The following TSPAN9 variants were observed in gnomAD, a reference collection of about 807,000 sequenced individuals.
The protein encoded by TSPAN9 is tetraspanin-9.
TSPAN9 carries 16 observed loss-of-function variants against 31.0 expected under a neutral mutation model. That is an observed-to-expected ratio of 0.52 (90% CI 0.35 to 0.78). The LOEUF is 0.78. TSPAN9 is among the 30% of genes least tolerant of loss of function. TSPAN9 has a pLI of 0.01. For missense variants in TSPAN9, 272 were observed against 312.5 expected (o/e 0.87, Z 0.98); for synonymous variants, 145 against 121.6 (o/e 1.19, Z -1.27).
chr12:3,155,348 TC>T (rs2098341697), intron 2 of TSPAN9, among the ~76,000 whole-genome samples: 1 of 152,122 alleles, frequency 6.6e-6, no homozygotes, highest in African/African-American at 2.4e-5. Flanking sequence ...GGCGGGCTGT[TC>T]CGGGAATGCT....
At chr12:3,279,275 G>A (rs1862852689) in intron 5 of TSPAN9, among the ~76,000 whole-genome samples, 1 of 152,218 alleles carries the variant, frequency 6.6e-6, no homozygotes, top group South Asian at 2.1e-4. Flanking sequence ...AGGCAAATTT[G>A]GAGGATGGGA....
At chr12:3,110,956 A>C (rs10774118) in intron 2 of TSPAN9, among the ~76,000 whole-genome samples, 2 of 152,006 alleles carry the variant, frequency 1.3e-5, no homozygotes, top group African/African-American at 4.8e-5. Flanking sequence ...GAAAGGAAGC[A>C]GCAACCCAGG....
intron 2 of TSPAN9, among the ~76,000 whole-genome samples, chr12:3,162,168 G>A (rs558087646): frequency 2.1e-4 from 32 of 152,256 alleles, no homozygotes; most frequent in African/African-American, 7.2e-4. Flanking sequence ...TCCCCCCACT[G>A]TCTTGCTTCC....
intron 2 of TSPAN9, among the ~76,000 whole-genome samples, chr12:3,098,387 T>C (rs1292475811): frequency 6.6e-6 from 1 of 152,224 alleles, no homozygotes; most frequent in Non-Finnish European, 1.5e-5. Context: ...GCTCAGGTGT[T>C]ACACTCGGAT....
chr12:3,264,657 G>C (rs74891390), intron 3 of TSPAN9, among the ~76,000 whole-genome samples: 6,449 of 152,320 alleles, frequency 0.042, 182 homozygotes, highest in Non-Finnish European at 0.063. Flanking sequence ...TCCACCACAG[G>C]CTCCCGACTC....
At chr12:3,148,861 C>T (rs889823506) in intron 2 of TSPAN9, among the ~76,000 whole-genome samples, 3 of 152,188 alleles carry the variant, frequency 2.0e-5, no homozygotes, top group South Asian at 2.1e-4. Flanking sequence ...CCATCAGTCA[C>T]GTCCAAGGCT....
At chr12:3,081,660 T>C (rs372512843) in intron 1 of TSPAN9, among the ~76,000 whole-genome samples, 59 of 152,144 alleles carry the variant, frequency 3.9e-4, no homozygotes, top group African/African-American at 1.4e-3. Flanking sequence ...AGTGTATGTG[T>C]CACATGTATA....
At chr12:3,166,969 G>T (rs905268836) in intron 2 of TSPAN9, among the ~76,000 whole-genome samples, 4 of 151,626 alleles carry the variant, frequency 2.6e-5, no homozygotes, top group African/African-American at 9.7e-5. Flanking sequence ...GCTAATTTTT[G>T]TATTTTTAGT....
intron 3 of TSPAN9, among the ~76,000 whole-genome samples, chr12:3,275,707 T>C (rs1417943822): frequency 1.3e-5 from 2 of 152,232 alleles, no homozygotes; most frequent in Admixed American, 6.5e-5. Context: ...TGGGTCTCAG[T>C]GTGCCCATTC....
Position 3,226,690 on chromosome 12 carries a change from G to A in TSPAN9, c.63+25434G>A, listed in dbSNP as rs374296488. Among the ~76,000 whole-genome samples, 9 of 14,768 alleles carry A rather than the reference G, an allele frequency of 6.1e-4. 1 individual carries two copies. The highest frequency in any genetic ancestry group is 2.0e-3 in the Admixed American group (2 of 976). The allele number at this position is 14,768 out of a possible 152,430, so 9.7% of individuals were successfully genotyped here. ...TGTGTGTGTGTGTGTGTGTGTGTGT[G>A]TGTGTGTGTGTGTGTGTATGTGTAT... On this transcript the variant is annotated intron_variant, in intron 3 of 8. Transcript: ENST00000011898.
intron 3 of TSPAN9, among the ~76,000 whole-genome samples, chr12:3,258,512 G>A (rs1191097698): frequency 6.6e-6 from 1 of 152,200 alleles, no homozygotes. Context: ...CAGCAATGAA[G>A]AGTGGTCGTG....
chr12:3,250,647 C>A (rs555808685), intron 3 of TSPAN9, among the ~76,000 whole-genome samples: 68 of 152,352 alleles, frequency 4.5e-4, no homozygotes, highest in Non-Finnish European at 8.7e-4. Flanking sequence ...ACTCCCAGGC[C>A]TGGCCAGCCC....
rs1863018763 is a variant in TSPAN9 at position 3,286,457 on chromosome 12, T to TGA, written c.*3341_*3342insGA. 6.6e-6 allele frequency: 1 copy of TGA among 152,600 alleles called. No individual in the cohort carries two copies. The allele number at this position is 152,600 out of a possible 1,614,324, so 9.5% of individuals were successfully genotyped here. A position where few individuals can be genotyped will look rare whatever the true frequency, so the allele number is the denominator to read the frequency against. ...TGTTGGTTTCAGATGCACTTTCTGC[T>TGA]TGCATTGCCGTATCTGTGCGTTCCT... On this transcript the variant is annotated 3_prime_UTR_variant, in exon 9 of 9. Coordinates refer to ENST00000011898, the MANE Select transcript of TSPAN9 (RefSeq NM_006675.5). The surrounding 1 kb of genome is among the most constrained non-coding windows in gnomAD (Gnocchi z 4.1).
intron 2 of TSPAN9, among the ~76,000 whole-genome samples, chr12:3,108,915 T>C (rs942937534): frequency 3.3e-5 from 5 of 152,142 alleles, no homozygotes; most frequent in African/African-American, 9.7e-5. Flanking sequence ...AGGATATTAA[T>C]GATAGTTTCA....
chr12:3,234,433 C>T (rs1440867315), intron 3 of TSPAN9, among the ~76,000 whole-genome samples: 4 of 152,168 alleles, frequency 2.6e-5, no homozygotes, highest in East Asian at 1.9e-4. Context: ...CCCTCTGCTC[C>T]GGCCACCCTG....
rs2098337963 is a variant in TSPAN9, at chr12:3,147,820, C to T, written c.-17-53357C>T. On this transcript the variant is annotated intron_variant, in intron 2 of 8. Transcript: ENST00000011898. The surrounding 1 kb of genome is among the most constrained non-coding windows in gnomAD (Gnocchi z 4.3). ...CAGTGTTGGCTCACACTGGTGGGTG[C>T]CCTTTGGTGAGAGGTGCGTTGTGAG... Among the ~76,000 whole-genome samples, 1 of 152,122 alleles carries T rather than the reference C, an allele frequency of 6.6e-6. No homozygotes were observed. The highest frequency in any genetic ancestry group is 2.4e-5 in the African/African-American group (1 of 41,414).
intron 2 of TSPAN9, among the ~76,000 whole-genome samples, chr12:3,101,808 C>G (rs1054942815): frequency 1.3e-5 from 2 of 152,142 alleles, no homozygotes; most frequent in Non-Finnish European, 2.9e-5. Context: ...CTGATTAGCC[C>G]GTTGTTTTCC....
intron 2 of TSPAN9, among the ~76,000 whole-genome samples, chr12:3,112,925 C>T (rs1367697686): frequency 6.6e-6 from 1 of 152,238 alleles, no homozygotes; most frequent in East Asian, 1.9e-4. Flanking sequence ...TGCAATTCTC[C>T]TGCCTTGGCC....
In TSPAN9 at chr12:3,226,742, GTGTATATATATATATA is replaced by G. The variant is rs1565622435; in HGVS notation, c.63+25488_63+25503del. Among the ~76,000 whole-genome samples, 24 of 3,302 alleles carry G rather than the reference GTGTATATATATATATA, an allele frequency of 7.3e-3. 2 individuals are homozygous for G. Among genetic ancestry groups the G allele is most frequent in the Admixed American group, 0.016 (3 of 190 alleles). 2.2% of individuals were successfully genotyped at this position (3,302 alleles called of 152,430 possible). ...TATGTGTGTGTGTGTGTGTGTGTGT[GTGTATATATATATATA>G]TATATATATATATATATATATATAT... On this transcript the variant is annotated intron_variant, in intron 3 of 8. Coordinates refer to ENST00000011898, the MANE Select transcript of TSPAN9 (RefSeq NM_006675.5).
Sources: gnomAD v4.1 joint callset for allele counts (sites outside exome capture counted in the v4.1 genomes callset) on GRCh38, gnomAD v4.1.1 for gene constraint, Gnocchi (gnomAD v3.1) non-coding constraint, MANE v1.5 for transcripts, NCBI Gene and HGNC (gene_info 2026-07-23, HGNC 2026-07-21) for gene names.